Variants in TMLHE observed in about 807,000 individuals in gnomAD.
TMLHE encodes trimethyllysine dioxygenase, mitochondrial.
Under a neutral mutation model 25.7 loss-of-function variants are expected in TMLHE, and 18 were observed. The observed-to-expected ratio is 0.70, with a 90% confidence interval of 0.48 to 1.04. TMLHE has a LOEUF of 1.04. TMLHE is among the 50% of genes least tolerant of loss of function. TMLHE has a pLI of 0.00. For synonymous variants in TMLHE, 105 were observed against 97.0 expected, an observed-to-expected ratio of 1.08 and a Z score of -0.49; for missense variants, 236 against 259.0, an observed-to-expected ratio of 0.91 and a Z score of 0.61.
chrX:155,547,594 G>A (rs375495859), intron 1 of TMLHE, among the ~76,000 whole-genome samples: 3 of 111,348 alleles, frequency 2.7e-5, no homozygotes, highest in African/African-American at 9.8e-5. Flanking sequence ...ATACAACACA[G>A]TGAAAGGTGC....
intron 2 of TMLHE, among the ~76,000 whole-genome samples, chrX:155,531,954 G>A (rs1487775675): frequency 9.0e-6 from 1 of 111,414 alleles, no homozygotes; most frequent in Non-Finnish European, 1.9e-5. Flanking sequence ...CAATGCTTAG[G>A]AAACCACAGT....
chrX:155,524,388 A>G, intron 3 of TMLHE, 68 bp downstream of exon 3: 1 of 949,711 alleles, frequency 1.1e-6, no homozygotes, highest in Non-Finnish European at 1.4e-6. Context: ...GGAACAAACC[A>G]TTTTCCACAA....
rs2124318668 is a variant in TMLHE at position 155,506,923 on chromosome X, A to G, written c.970T>C (p.Trp324Arg). Residue 324 changes from tryptophan to arginine, a missense_variant, in exon 6 of 8, where the codon TGG becomes CGG. Trp to Arg is a moderately radical substitution (Grantham distance 101). Coordinates refer to ENST00000334398, the MANE Select transcript of TMLHE (RefSeq NM_018196.4). ...GIGPVLNIYPWNKELYLIRYN... is the reference protein window; with the variant it reads ...GIGPVLNIYPRNKELYLIRYN... ...CTGATCAAATACAGCTCTTTATTCC[A>G]TGGGTAGATATTTAAGACTGGCCCA... 1 of 1,208,761 alleles carries G rather than the reference A, an allele frequency of 8.3e-7. No individual in the cohort carries two copies. The highest frequency in any genetic ancestry group is 3.0e-5 in the East Asian group (1 of 33,785).
intron 1 of TMLHE, among the ~76,000 whole-genome samples, chrX:155,547,890 C>T (rs2067364074): frequency 9.0e-6 from 1 of 110,937 alleles, no homozygotes; most frequent in Admixed American, 9.7e-5. Context: ...AAAATCTCCA[C>T]ACCTGCTATA....
At chrX:155,556,569 T>A in intron 1 of TMLHE, among the ~76,000 whole-genome samples, 2 of 108,852 alleles carry the variant, frequency 1.8e-5, no homozygotes, top group South Asian at 8.3e-4. Flanking sequence ...GTGACAGACA[T>A]CAAGTACTTA....
chrX:155,544,891 C>T (rs1569562029), intron 2 of TMLHE, among the ~76,000 whole-genome samples: 2 of 111,498 alleles, frequency 1.8e-5, no homozygotes, highest in Admixed American at 9.6e-5. Flanking sequence ...GTCAACTCCA[C>T]AAAAAGTATT....
intron 3 of TMLHE, among the ~76,000 whole-genome samples, chrX:155,523,438 C>T (rs1557336045): frequency 9.0e-6 from 1 of 111,174 alleles, no homozygotes; most frequent in Non-Finnish European, 1.9e-5. Flanking sequence ...TATCCTTCCT[C>T]TATTGAATGA....
intron 3 of TMLHE, among the ~76,000 whole-genome samples, chrX:155,518,290 G>C (rs1197372061): frequency 1.2e-5 from 1 of 81,891 alleles, no homozygotes; most frequent in African/African-American, 4.6e-5. Flanking sequence ...TGTGGTTTTT[G>C]TCTTTGGCTC....
intron 1 of TMLHE, among the ~76,000 whole-genome samples, chrX:155,593,426 A>G (rs2067703510): frequency 8.9e-6 from 1 of 112,177 alleles, no homozygotes; most frequent in Non-Finnish European, 1.9e-5. Context: ...CACAGGCTAG[A>G]CAATAGTGAA....
At chrX:155,579,091 A>G (rs782607035) in intron 1 of TMLHE, among the ~76,000 whole-genome samples, 3 of 73,309 alleles carry the variant, frequency 4.1e-5, no homozygotes, top group African/African-American at 1.3e-4. Flanking sequence ...AACACTGGTG[A>G]AAGAAATTGT....
chrX:155,547,495 C>A (rs2067359049), intron 1 of TMLHE, among the ~76,000 whole-genome samples: 1 of 111,194 alleles, frequency 9.0e-6, no homozygotes, highest in South Asian at 3.8e-4. Flanking sequence ...AATCAGCAGT[C>A]CTAGCCACCA....
chrX:155,549,192 T>A (rs1207373249), intron 1 of TMLHE, among the ~76,000 whole-genome samples: 1 of 110,919 alleles, frequency 9.0e-6, no homozygotes, highest in Admixed American at 9.5e-5. Context: ...ATGAATAGAG[T>A]TCTACATCTT....
At chrX:155,515,436 A>G (rs2067145916) in intron 3 of TMLHE, among the ~76,000 whole-genome samples, 1 of 110,488 alleles carries the variant, frequency 9.1e-6, no homozygotes, top group African/African-American at 3.3e-5. Flanking sequence ...ATTAGTGATC[A>G]TCTTTAACCA....
intron 1 of TMLHE, among the ~76,000 whole-genome samples, chrX:155,574,216 C>T (rs2067576247): frequency 9.2e-6 from 1 of 108,215 alleles, no homozygotes; most frequent in Admixed American, 9.7e-5. Flanking sequence ...CAAAGTAGGC[C>T]TTGAAAAGTT....
At chrX:155,505,928 C>T in intron 6 of TMLHE, among the ~76,000 whole-genome samples, 1 of 111,157 alleles carries the variant, frequency 9.0e-6, no homozygotes, top group South Asian at 3.7e-4. Context: ...AATCCATCTG[C>T]AAAAATGCAT....
At chrX:155,603,626 TA>T (rs1310598098) in intron 1 of TMLHE, among the ~76,000 whole-genome samples, 1 of 111,934 alleles carries the variant, frequency 8.9e-6, no homozygotes, top group Non-Finnish European at 1.9e-5. Flanking sequence ...CCCTTATATT[TA>T]TGGTCAATTG....
In TMLHE at chrX:155,544,998, C is replaced by G. The variant is rs1436634052; in HGVS notation, c.181+98G>C. Reference sequence around the variant, plus strand: ...AAATTTTGTACTATGTGTTTTCTTACCACGATTTTATCATTCCAATTTTTG... The same window carrying G: ...AAATTTTGTACTATGTGTTTTCTTAGCACGATTTTATCATTCCAATTTTTG... On this transcript the variant is annotated intron_variant, in intron 2 of 7. Transcript: ENST00000334398. 7.3e-6 allele frequency: 7 copies of G among 958,483 alleles called. No individual in the cohort carries two copies. In the East Asian group the frequency reaches 2.2e-4, roughly 30 times the overall value. The allele number at this position is 958,483 out of a possible 1,213,427, so 79.0% of individuals were successfully genotyped here.
At chrX:155,534,882 A>G (rs1270648012) in intron 2 of TMLHE, among the ~76,000 whole-genome samples, 7 of 111,831 alleles carry the variant, frequency 6.3e-5, no homozygotes, top group Admixed American at 4.7e-4. Context: ...ATGTGATGGT[A>G]TCTGGAGATG....
chrX:155,582,255 T>A (rs1323792011), intron 1 of TMLHE, among the ~76,000 whole-genome samples: 2 of 112,169 alleles, frequency 1.8e-5, no homozygotes, highest in African/African-American at 6.5e-5. Flanking sequence ...ATTCAGGACA[T>A]AGGCATGGGC....
Sources: gnomAD v4.1 joint callset for allele counts (sites outside exome capture counted in the v4.1 genomes callset) on GRCh38, gnomAD v4.1.1 for gene constraint, MANE v1.5 for transcripts, NCBI Gene and HGNC (gene_info 2026-07-23, HGNC 2026-07-21) for gene names.